HDHD2: variants seen among roughly 807,000 people sequenced by gnomAD.
The protein encoded by HDHD2 is haloacid dehalogenase like hydrolase domain containing 2.
A neutral mutation model predicts 24.8 loss-of-function variants in HDHD2; 26 were observed. The ratio of observed to expected loss-of-function variants is 1.05; its 90% confidence interval spans 0.77 to 1.45. The LOEUF is 1.45. HDHD2 is among the 40% of genes most tolerant of loss of function. The pLI is 0.00. For missense variants in HDHD2, 299 were observed against 313.4 expected (o/e 0.95, Z 0.35); for synonymous variants, 128 against 114.9 (o/e 1.11, Z -0.73).
At chr18:47,132,845 A>C (rs1472296629) in intron 3 of HDHD2, among the ~76,000 whole-genome samples, 1 of 152,214 alleles carries the variant, frequency 6.6e-6, no homozygotes, top group African/African-American at 2.4e-5. Flanking sequence ...AAAATATTTC[A>C]TGTTCAATGT....
At chr18:47,144,344 A>C (rs1259999523) in intron 1 of HDHD2, among the ~76,000 whole-genome samples, 2 of 152,168 alleles carry the variant, frequency 1.3e-5, no homozygotes, top group Non-Finnish European at 2.9e-5. Flanking sequence ...GTGAGCCAGA[A>C]ATAAACTATC....
chr18:47,131,851 A>G (rs2063716575), intron 3 of HDHD2, among the ~76,000 whole-genome samples: 2 of 152,340 alleles, frequency 1.3e-5, no homozygotes, highest in Non-Finnish European at 2.9e-5. Flanking sequence ...ATGAATGAAC[A>G]GGTCAAAATA....
At chr18:47,109,953 G>C in intron 6 of HDHD2, 1 of 984,332 alleles carries the variant, frequency 1.0e-6, no homozygotes. Flanking sequence ...TCTTTTTAAA[G>C]AATGAATGGA....
chr18:47,130,407 A>G, intron 3 of HDHD2, 79 bp from the exon 4 acceptor site: 1 of 895,734 alleles, frequency 1.1e-6, no homozygotes, highest in Non-Finnish European at 1.8e-6. Context: ...GTCTTAGTCA[A>G]TCAAGTGCAA....
At chr18:47,119,576 T>A (rs886070675) in intron 4 of HDHD2, among the ~76,000 whole-genome samples, 2 of 152,224 alleles carry the variant, frequency 1.3e-5, no homozygotes, top group Admixed American at 6.5e-5. Context: ...TTCCACCACA[T>A]CTGCAGTTAC....
chr18:47,133,457 T>C (rs189563589), intron 3 of HDHD2, among the ~76,000 whole-genome samples: 2 of 145,024 alleles, frequency 1.4e-5, no homozygotes, highest in East Asian at 2.0e-4. Context: ...AGTAAACATA[T>C]GTGTGCATGT....
At chr18:47,134,799 T>C (rs1253849611) in intron 2 of HDHD2, 95 bp from the exon 3 acceptor site, 3 of 961,816 alleles carry the variant, frequency 3.1e-6, no homozygotes, top group Non-Finnish European at 1.6e-6. Context: ...AATGTTTTTA[T>C]GGCCAGCAAC....
intron 4 of HDHD2, among the ~76,000 whole-genome samples, chr18:47,122,657 T>C (rs1302619262): frequency 6.6e-6 from 1 of 151,764 alleles, no homozygotes; most frequent in African/African-American, 2.4e-5. Context: ...GAAAGGAAAA[T>C]CCCACTAACA....
intron 3 of HDHD2, among the ~76,000 whole-genome samples, chr18:47,132,842 T>C (rs942930473): frequency 2.0e-5 from 3 of 152,214 alleles, no homozygotes; most frequent in African/African-American, 7.2e-5. Context: ...TGAAAAATAT[T>C]TCATGTTCAA....
At chr18:47,142,105 A>T (rs2063824708) in intron 1 of HDHD2, among the ~76,000 whole-genome samples, 1 of 152,322 alleles carries the variant, frequency 6.6e-6, no homozygotes, top group East Asian at 1.9e-4. Context: ...TCCATTAAAC[A>T]TCTTTCCTGT....
Position 47,107,491 on chromosome 18 carries a change from C to T in HDHD2, c.*1191G>A, listed in dbSNP as rs1004008244. The T allele has an allele frequency of 1.3e-5, 2 of 152,628 alleles. No individual in the cohort carries two copies. Among genetic ancestry groups the T allele is most frequent in the Non-Finnish European group, 2.9e-5 (2 of 68,036 alleles). 9.5% of individuals were successfully genotyped at this position (152,628 alleles called of 1,614,324 possible). A position where few individuals can be genotyped will look rare whatever the true frequency, so the allele number is the denominator to read the frequency against. On this transcript the variant is annotated 3_prime_UTR_variant, in exon 7 of 7. Coordinates refer to ENST00000300605, the MANE Select transcript of HDHD2 (RefSeq NM_032124.5). ...TAAACAAGCATCAAAACCCGAAGCT[C>T]ATTAACATCAGAGTGAGCTTCAATA...
At chr18:47,109,565 A>T (rs886889297) in intron 6 of HDHD2, 3 of 152,302 alleles carry the variant, frequency 2.0e-5, no homozygotes, top group African/African-American at 4.8e-5. Context: ...GCCCTTTGTC[A>T]TGCAGCCCCA....
intron 6 of HDHD2, chr18:47,111,594 G>C: frequency 1.0e-6 from 1 of 985,300 alleles, no homozygotes; most frequent in Non-Finnish European, 1.2e-6. Flanking sequence ...ACGTTCCTGG[G>C]AAGGTGATCA....
At position 47,115,306 on chromosome 18, in the gene HDHD2, G is replaced by A. The variant is rs1258768223; in HGVS notation, c.438C>T (p.Ala146=). The stretch of plus-strand genomic sequence containing the variant: ...AGCCATCTTTCCTCTTGTAATACCT[G>A]GCTTTGTGGATTGCTATCAGAGGTG... The part of the protein sequence containing the change: ...DGAPLIAIHK[A]RYYKRKDGLA... Residue 146 remains alanine, a synonymous_variant, in exon 5 of 7, where the codon GCC becomes GCT. Coordinates refer to ENST00000300605, the MANE Select transcript of HDHD2 (RefSeq NM_032124.5). The A allele has an allele frequency of 3.1e-6, 5 of 1,613,838 alleles. No individual in the cohort carries two copies. The highest frequency in any genetic ancestry group is 4.2e-6 in the Non-Finnish European group (5 of 1,179,910).
intron 3 of HDHD2, among the ~76,000 whole-genome samples, chr18:47,131,423 T>C (rs901875419): frequency 6.6e-5 from 10 of 152,224 alleles, no homozygotes; most frequent in Non-Finnish European, 1.3e-4. Context: ...AGTAGTTTCT[T>C]TGCTAACACA....
intron 1 of HDHD2, chr18:47,137,308 G>A (rs981311108): frequency 4.8e-6 from 2 of 417,426 alleles, no homozygotes; most frequent in East Asian, 5.2e-5. Context: ...TAGCGAAAAG[G>A]GAACCTGCTT....
At chr18:47,138,577 T>C (rs2063789640) in intron 1 of HDHD2, among the ~76,000 whole-genome samples, 2 of 152,162 alleles carry the variant, frequency 1.3e-5, no homozygotes, top group South Asian at 2.1e-4. Flanking sequence ...ACATAAAAAG[T>C]TTGAGAAAAA....
At chr18:47,135,258 CTTTTTTTTTT>C (rs904719955) in intron 2 of HDHD2, among the ~76,000 whole-genome samples, 14 of 128,362 alleles carry the variant, frequency 1.1e-4, no homozygotes, top group East Asian at 9.1e-4. Flanking sequence ...TAGATTTTTT[CTTTTTTTTTT>C]TTTTTTTTTT....
intron 6 of HDHD2, chr18:47,110,961 T>A (rs1486225524): frequency 1.0e-6 from 1 of 984,606 alleles, no homozygotes; most frequent in Non-Finnish European, 1.2e-6. Flanking sequence ...AGAAAGCACT[T>A]ATTATTGAAT....
Sources: gnomAD v4.1 joint callset for allele counts (sites outside exome capture counted in the v4.1 genomes callset) on GRCh38, gnomAD v4.1.1 for gene constraint, MANE v1.5 for transcripts, NCBI Gene and HGNC (gene_info 2026-07-23, HGNC 2026-07-21) for gene names.